RNF157: variants seen among roughly 807,000 people sequenced by gnomAD.
RNF157 encodes ring finger protein 157.
In RNF157, 55 loss-of-function variants were observed where a neutral mutation model predicts 88.3. That is an observed-to-expected ratio of 0.62 (90% CI 0.50 to 0.78). RNF157 has a LOEUF of 0.78. Among genes scored for constraint, RNF157 ranks in the 30% least tolerant of loss-of-function variants. RNF157 has a pLI of 0.00. For missense variants in RNF157, 788 were observed against 860.8 expected, an observed-to-expected ratio of 0.92 and a Z score of 1.06; for synonymous variants, 334 against 341.2, an observed-to-expected ratio of 0.98 and a Z score of 0.23.
intron 1 of RNF157, among the ~76,000 whole-genome samples, chr17:76,219,330 T>C (rs971592651): frequency 4.0e-5 from 6 of 151,758 alleles, no homozygotes; most frequent in African/African-American, 1.5e-4. Context: ...TATATACATA[T>C]AAATATAACA....
At chr17:76,167,410 G>A (rs751501887) in intron 4 of RNF157, among the ~76,000 whole-genome samples, 7 of 152,200 alleles carry the variant, frequency 4.6e-5, no homozygotes, top group Non-Finnish European at 1.0e-4. Flanking sequence ...AATTTGAAGG[G>A]AAAAGGTAAA....
At chr17:76,165,644 C>T (rs1568032702) in intron 6 of RNF157, 99 bp from the exon 7 acceptor site, 4 of 1,305,808 alleles carry the variant, frequency 3.1e-6, no homozygotes, top group East Asian at 4.6e-5. Flanking sequence ...ACCAAATGTG[C>T]CAGTCTGTCT....
intron 2 of RNF157, among the ~76,000 whole-genome samples, chr17:76,199,603 C>T (rs936313041): frequency 6.0e-5 from 9 of 149,514 alleles, no homozygotes; most frequent in Non-Finnish European, 7.4e-5. Context: ...GAACAGCTGG[C>T]AGGAAGAGCC....
chr17:76,149,510 G>A (rs1240751670), intron 18 of RNF157, among the ~76,000 whole-genome samples: 1 of 152,120 alleles, frequency 6.6e-6, no homozygotes, highest in Non-Finnish European at 1.5e-5. Context: ...ACAGCTGAGT[G>A]TGAAGACGCC....
In RNF157 at chr17:76,144,084, G is replaced by A. The variant is rs1485154933; in HGVS notation, c.*1151C>T. Reference sequence around the variant, plus strand: ...ATTTCTCTCAACCATTAACAAAAGGGGGTAGAGATGGGGGCAACAGGGACA... The same window carrying A: ...ATTTCTCTCAACCATTAACAAAAGGAGGTAGAGATGGGGGCAACAGGGACA... On this transcript the variant is annotated 3_prime_UTR_variant, in exon 19 of 19. Coordinates refer to ENST00000269391, the MANE Select transcript of RNF157 (RefSeq NM_052916.3). The A allele has an allele frequency of 1.3e-5, 2 of 152,208 alleles. No homozygotes were observed. Among genetic ancestry groups the A allele is most frequent in the African/African-American group, 2.4e-5 (1 of 41,428 alleles). The allele number at this position is 152,208 out of a possible 1,614,324, so 9.4% of individuals were successfully genotyped here.
At chr17:76,147,891 A>G (rs2068609422) in intron 18 of RNF157, among the ~76,000 whole-genome samples, 1 of 152,212 alleles carries the variant, frequency 6.6e-6, no homozygotes. Context: ...AGTTTTTGGG[A>G]TATCAAAAAT....
chr17:76,190,094 G>C (rs1273514114), intron 2 of RNF157, among the ~76,000 whole-genome samples: 3 of 151,956 alleles, frequency 2.0e-5, no homozygotes, highest in African/African-American at 7.2e-5. Flanking sequence ...AAATAACTTT[G>C]TAAAGGGTAG....
At chr17:76,149,720 C>T (rs1303510871) in intron 18 of RNF157, among the ~76,000 whole-genome samples, 5 of 152,102 alleles carry the variant, frequency 3.3e-5, no homozygotes, top group Non-Finnish European at 5.9e-5. Context: ...CACCCAACTA[C>T]TGACCAAGGA....
At chr17:76,211,301 C>T (rs1248091813) in intron 2 of RNF157, among the ~76,000 whole-genome samples, 1 of 152,230 alleles carries the variant, frequency 6.6e-6, no homozygotes. Flanking sequence ...CCTCATCCAA[C>T]CCACCATTCT....
chr17:76,155,478 T>C (rs2068748513), intron 15 of RNF157, 84 bp downstream of exon 15: 3 of 1,543,404 alleles, frequency 1.9e-6, no homozygotes, highest in Non-Finnish European at 2.7e-6. Flanking sequence ...TTTGCAGCCA[T>C]GCATGGCAGA....
intron 2 of RNF157, among the ~76,000 whole-genome samples, chr17:76,180,548 G>A (rs1197249654): frequency 6.6e-6 from 1 of 152,110 alleles, no homozygotes; most frequent in Non-Finnish European, 1.5e-5. Context: ...ACTTTAGATA[G>A]ATTCTTTTTG....
rs2069470623 is a variant in RNF157, at chr17:76,195,944, A to ACCTG, written c.207+16419_207+16420insCAGG. Among the ~76,000 whole-genome samples, 1 of 152,076 alleles carries ACCTG rather than the reference A, an allele frequency of 6.6e-6. No homozygotes were observed. The highest frequency in any genetic ancestry group is 2.4e-5 in the African/African-American group (1 of 41,398). On this transcript the variant is annotated intron_variant, in intron 2 of 18. Transcript: ENST00000269391. This position sits in a 1 kb window ranked among gnomAD's most constrained non-coding sequence, Gnocchi z 4.4. ...GCCACGGCAACACCTGGAAGTTACC[A>ACCTG]CCCTCTTTCATGGCAATGACCCAAT...
In RNF157 at chr17:76,165,529, G is replaced by A. The variant is rs149677591; in HGVS notation, c.645C>T (p.Cys215=). 20 of 1,614,166 alleles carry A rather than the reference G, an allele frequency of 1.2e-5. No individual in the cohort carries two copies. In the African/African-American group the frequency reaches 2.0e-4, roughly 16 times the overall value. The change falls in exon 7 of 19, where the codon TGC becomes TGT. Residue 215 remains cysteine (C), a synonymous_variant. Coordinates refer to ENST00000269391, the MANE Select transcript of RNF157 (RefSeq NM_052916.3). ...VDEGDEYFGH[C]HVLLGTFEKH... is the part of the protein sequence containing the mutation. ...TCTCAAAAGTACCCAGCAGTACATGGCAATGGCCAAAATACTCTGAAAGAA... is the reference window on the plus strand; with the variant it reads ...TCTCAAAAGTACCCAGCAGTACATGACAATGGCCAAAATACTCTGAAAGAA...
At position 76,195,574 on chromosome 17, in the gene RNF157, C is replaced by T. The variant is rs181164608; in HGVS notation, c.207+16790G>A. On this transcript the variant is annotated intron_variant, in intron 2 of 18. Transcript: ENST00000269391. This position sits in a 1 kb window ranked among gnomAD's most constrained non-coding sequence, Gnocchi z 4.4. The stretch of plus-strand genomic sequence containing the variant: ...CAACAAAATACATGTAATAATAGAA[C>T]GTTCATAGCAGCACTATGTGTAATA... 2.2e-4 allele frequency among the ~76,000 whole-genome samples: 33 copies of T among 152,246 alleles called. No homozygotes were observed. Among genetic ancestry groups the T allele is most frequent in the African/African-American group, 7.5e-4 (31 of 41,546 alleles).
chr17:76,227,397 A>G (rs2070111190), intron 1 of RNF157, among the ~76,000 whole-genome samples: 1 of 151,876 alleles, frequency 6.6e-6, no homozygotes, highest in Admixed American at 6.6e-5. Flanking sequence ...CTGGGATTAC[A>G]GGCGTGAGTC....
At position 76,157,571 on chromosome 17, in the gene RNF157, C is replaced by T. The variant is rs145144263; in HGVS notation, c.1413+822G>A. Among the ~76,000 whole-genome samples, 3 of 152,338 alleles carry T rather than the reference C, an allele frequency of 2.0e-5. 1 individual carries two copies. The East Asian group carries it at 5.8e-4, about 29-fold the overall frequency. ...TTACAATGATCTTTTCCATCTCTGACACAGCAATTTATCGTCTCTGTTTTG... is the reference window on the plus strand; with the variant it reads ...TTACAATGATCTTTTCCATCTCTGATACAGCAATTTATCGTCTCTGTTTTG... On this transcript the variant is annotated intron_variant, in intron 13 of 18. Coordinates refer to ENST00000269391, the MANE Select transcript of RNF157 (RefSeq NM_052916.3). The surrounding 1 kb of genome is among the most constrained non-coding windows in gnomAD (Gnocchi z 5.6).
intron 1 of RNF157, among the ~76,000 whole-genome samples, chr17:76,224,668 G>A (rs2070046844): frequency 6.6e-6 from 1 of 151,690 alleles, no homozygotes. Flanking sequence ...AAGAAGAATG[G>A]TCTTACGCCA....
In RNF157 at chr17:76,211,041, G is replaced by A. The variant is rs182208160; in HGVS notation, c.207+1323C>T. On this transcript the variant is annotated intron_variant, in intron 2 of 18. Coordinates refer to ENST00000269391, the MANE Select transcript of RNF157 (RefSeq NM_052916.3). ...GCTGGTCTTGAGCTCCCAACCTCAG[G>A]TGATCTGTCCACCTCGGCCTCCCAA... Among the ~76,000 whole-genome samples the A allele has an allele frequency of 9.0e-3, 1,372 of 152,308 alleles. 51 individuals carry two copies. Among genetic ancestry groups the A allele is most frequent in the Admixed American group, 0.065 (992 of 15,302 alleles).
intron 2 of RNF157, among the ~76,000 whole-genome samples, chr17:76,208,416 C>T (rs1211559266): frequency 6.6e-6 from 1 of 152,146 alleles, no homozygotes; most frequent in Non-Finnish European, 1.5e-5. Flanking sequence ...TCTTTAAACT[C>T]TCTGTGCCAC....
Sources: gnomAD v4.1 joint callset for allele counts (sites outside exome capture counted in the v4.1 genomes callset) on GRCh38, gnomAD v4.1.1 for gene constraint, Gnocchi (gnomAD v3.1) non-coding constraint, MANE v1.5 for transcripts, NCBI Gene and HGNC (gene_info 2026-07-23, HGNC 2026-07-21) for gene names.